PRSS53: variants seen among roughly 807,000 people sequenced by gnomAD.
PRSS53 encodes serine protease 53, also known as EDTP308.
PRSS53 carries 54 observed loss-of-function variants against 62.7 expected under a neutral mutation model. That is an observed-to-expected ratio of 0.86 (90% CI 0.69 to 1.08). The LOEUF is 1.08. PRSS53 is among the 50% of genes least tolerant of loss of function. PRSS53 has a pLI of 0.00. For missense variants in PRSS53, 688 were observed against 728.3 expected, an observed-to-expected ratio of 0.94 and a Z score of 0.64; for synonymous variants, 273 against 300.0, an observed-to-expected ratio of 0.91 and a Z score of 0.93.
chr16:31,084,832 G>T (rs767410045), exon 8 of PRSS53: 2 of 1,548,882 alleles, frequency 1.3e-6, no homozygotes, highest in South Asian at 2.4e-5. Context: ...CATCAGGCAG[G>T]TGGTGGTCAG....
At chr16:31,085,134 A>T in exon 7 of PRSS53, 1 of 1,612,580 alleles carries the variant, frequency 6.2e-7, no homozygotes, top group Non-Finnish European at 8.5e-7. Flanking sequence ...GGCAGCAGTT[A>T]GCACCGCCTC....
chr16:31,084,549 G>A lies in PRSS53; in HGVS notation c.1425+9C>T. 3 of 1,600,650 alleles carry A rather than the reference G, an allele frequency of 1.9e-6. No homozygotes were observed. Among genetic ancestry groups the A allele is most frequent in the Non-Finnish European group, 2.6e-6 (3 of 1,174,828 alleles). ...CCTGTTAGGTAAGGTGTGGGGGCCT[G>A]GGGCTCACCTCACAGCTGGGCAGCT... On this transcript the variant is annotated intron_variant, in intron 9 of 10. Coordinates refer to ENST00000280606, the Ensembl canonical transcript of PRSS53.
At chr16:31,087,541 C>T in exon 3 of PRSS53, 1 of 1,612,786 alleles carries the variant, frequency 6.2e-7, no homozygotes, top group Non-Finnish European at 8.5e-7. Context: ...ACTTACTTTT[C>T]AAAGCAGTGG....
exon 6 of PRSS53, chr16:31,086,057 G>C: frequency 6.2e-7 from 1 of 1,613,972 alleles, no homozygotes. Flanking sequence ...CAGGAACTGT[G>C]AGCAGCTGTG....
intron 9 of PRSS53, 52 bp downstream of exon 9, chr16:31,084,506 G>A (rs747472905): frequency 5.1e-6 from 8 of 1,563,362 alleles, no homozygotes; most frequent in East Asian, 2.4e-5. Context: ...GAGCTATTGG[G>A]TGAGGGGATG....
At chr16:31,087,753 C>G in intron 2 of PRSS53, 53 bp downstream of exon 2, 1 of 1,614,142 alleles carries the variant, frequency 6.2e-7, no homozygotes, top group South Asian at 1.1e-5. Flanking sequence ...GACCTCACCC[C>G]AGTCCCAACC....
chr16:31,084,153 G>T (rs770579035), exon 10 of PRSS53: 2 of 1,595,538 alleles, frequency 1.3e-6, no homozygotes, highest in East Asian at 4.5e-5. Flanking sequence ...GCTCAGCCTC[G>T]GGCTCTGGTT....
intron 4 of PRSS53, 51 bp from the exon 5 acceptor site, chr16:31,086,542 G>T (rs1171312626): frequency 1.3e-6 from 2 of 1,579,478 alleles, no homozygotes; most frequent in African/African-American, 1.3e-5. Flanking sequence ...GGGAAGCAAG[G>T]GAGACTGGAA....
At position 31,084,706 on chromosome 16, in the gene PRSS53, G is replaced by A. The variant is rs376854134; in HGVS notation, c.1280-3C>T. ...CACTGTCTGGAGGGAGCTGATGCCT[G>A]TGGAGCAAGGGAAAGCTGGCTGCCC... On this transcript the variant is annotated splice_polypyrimidine_tract_variant and splice_region_variant and intron_variant, in intron 8 of 10. Transcript: ENST00000280606. 6.2e-7 allele frequency: 1 copy of A among 1,610,100 alleles called. No homozygotes were observed. The highest frequency in any genetic ancestry group is 2.2e-5 in the East Asian group (1 of 44,762).
In PRSS53 at chr16:31,087,566, C is replaced by T; in HGVS notation, c.213G>A (p.Trp71Ter). The change falls in exon 3 of 11, where the codon TGG becomes TGA. Residue 71 changes from tryptophan to a stop codon, truncating the protein, a stop_gained. Coordinates refer to ENST00000280606, the Ensembl canonical transcript of PRSS53. LOFTEE classifies it high-confidence loss of function. ...CAAAGCAGTGGGCAGCAGTGAGGACCCAGGTGTCTGCCACCAGGGAGCCGC... is the reference window on the plus strand; with the variant it reads ...CAAAGCAGTGGGCAGCAGTGAGGACTCAGGTGTCTGCCACCAGGGAGCCGC... 1 of 1,613,320 alleles carries T rather than the reference C, an allele frequency of 6.2e-7. No individual in the cohort carries two copies. The highest frequency in any genetic ancestry group is 8.5e-7 in the Non-Finnish European group (1 of 1,179,740).
At chr16:31,085,907 T>C (rs2057227378) in intron 6 of PRSS53, 57 bp downstream of exon 6, 1 of 1,505,234 alleles carries the variant, frequency 6.6e-7, no homozygotes, top group Non-Finnish European at 9.2e-7. Context: ...TCTCTAGTCC[T>C]AACTGAGGTT....
chr16:31,087,384 A>G (rs2057245296), intron 3 of PRSS53, 153 bp downstream of exon 3: 2 of 638,484 alleles, frequency 3.1e-6, no homozygotes, highest in African/African-American at 3.7e-5. Flanking sequence ...GGTTGTTACA[A>G]TTAACTTGAC....
In PRSS53 at chr16:31,084,546, CCTGGGGCTCACCTCACAG is replaced by C; in HGVS notation, c.1419_1425+11del. The C allele has an allele frequency of 6.3e-7, 1 of 1,599,430 alleles. No homozygotes were observed. The highest frequency in any genetic ancestry group is 1.1e-5 in the South Asian group (1 of 88,842). ...GGGCCTGTTAGGTAAGGTGTGGGGG[CCTGGGGCTCACCTCACAG>C]CTGGGCAGCTCACCCACAGCACTGG... On this transcript the variant is annotated splice_donor_variant and splice_donor_5th_base_variant and coding_sequence_variant and intron_variant, in exon 9 of 11. Transcript: ENST00000280606. LOFTEE classifies it high-confidence loss of function.
At position 31,087,832 on chromosome 16, in the gene PRSS53, AAG is replaced by A. The variant is rs2057250913; in HGVS notation, c.59-8_59-7del. 2.5e-6 allele frequency: 4 copies of A among 1,613,858 alleles called. No homozygotes were observed. Among genetic ancestry groups the A allele is most frequent in the Non-Finnish European group, 3.4e-6 (4 of 1,180,010 alleles). The stretch of plus-strand genomic sequence containing the variant: ...ACGCTGAGCGGCTTGAAGACCTGGG[AAG>A]AGAGAGACACAGGTAAGATGCAGGG... On this transcript the variant is annotated splice_region_variant and splice_polypyrimidine_tract_variant and intron_variant, in intron 1 of 10. Transcript: ENST00000280606.
rs1425747488 is a variant in PRSS53 at position 31,086,318 on chromosome 16, T to C, written c.663+19A>G. On this transcript the variant is annotated intron_variant, in intron 5 of 10. Transcript: ENST00000280606. ...GTTAGGCCCCTCCCCTTCTGCTCCT[T>C]CTCTTCTCCCTATCAGACCTGACAG... 3 of 1,599,748 alleles carry C rather than the reference T, an allele frequency of 1.9e-6. No homozygotes were observed. The highest frequency in any genetic ancestry group is 2.7e-5 in the African/African-American group (2 of 74,592).
At chr16:31,083,858 G>GTCCC (rs746131691) in intron 10 of PRSS53, 49 bp from the exon 11 acceptor site, 9 of 1,601,622 alleles carry the variant, frequency 5.6e-6, no homozygotes, top group South Asian at 1.1e-5. Flanking sequence ...CACGGCTTTG[G>GTCCC]TCCCTCCCTC....
At chr16:31,088,664 C>T in intron 1 of PRSS53, 88 bp downstream of exon 1, 2 of 1,598,020 alleles carry the variant, frequency 1.3e-6, no homozygotes, top group South Asian at 1.1e-5. Context: ...CAGGCGGTCC[C>T]CCCACCAAGA....
chr16:31,084,690 G>A (rs1425409468), exon 9 of PRSS53: 9 of 1,612,120 alleles, frequency 5.6e-6, no homozygotes, highest in Non-Finnish European at 6.8e-6. Context: ...GCACTGTCTG[G>A]AGGGAGCTGA....
exon 4 of PRSS53, chr16:31,086,847 C>G (rs768206883): frequency 1.2e-6 from 2 of 1,610,966 alleles, no homozygotes; most frequent in Non-Finnish European, 8.5e-7. Context: ...GTCCCTCACG[C>G]TGCAGAGAAC....
Sources: gnomAD v4.1 joint callset for allele counts on GRCh38, gnomAD v4.1.1 for gene constraint, MANE v1.5 for transcripts, NCBI Gene and HGNC (gene_info 2026-07-23, HGNC 2026-07-21) for gene names.